Variants in TSNARE1 observed in about 807,000 individuals in gnomAD.
TSNARE1 encodes t-SNARE domain-containing protein 1.
In TSNARE1, 49 loss-of-function variants were observed where a neutral mutation model predicts 62.0. The observed-to-expected ratio is 0.79, with a 90% confidence interval of 0.63 to 1.00. TSNARE1 has a LOEUF of 1.00. Among genes scored for constraint, TSNARE1 ranks in the 50% least tolerant of loss-of-function variants. The pLI is 0.00. For missense variants in TSNARE1, 755 were observed against 700.1 expected (o/e 1.08, Z -0.88); for synonymous variants, 328 against 294.4 (o/e 1.11, Z -1.17).
chr8:142,238,442 C>A (rs1257164427), intron 12 of TSNARE1, among the ~76,000 whole-genome samples: 3 of 152,132 alleles, frequency 2.0e-5, no homozygotes, highest in Non-Finnish European at 4.4e-5. Flanking sequence ...TGCCGCTGAG[C>A]CCAGTCAGCA....
chr8:142,333,362 A>C (rs917733339), intron 4 of TSNARE1, among the ~76,000 whole-genome samples: 1 of 152,244 alleles, frequency 6.6e-6, no homozygotes, highest in African/African-American at 2.4e-5. Flanking sequence ...TTCAGGTGGC[A>C]GCTACGTGGG....
chr8:142,337,708 C>A (rs2129847880), intron 4 of TSNARE1, among the ~76,000 whole-genome samples: 1 of 152,358 alleles, frequency 6.6e-6, no homozygotes. Flanking sequence ...TCCTGCGACA[C>A]CGCAGCCCCA....
intron 1 of TSNARE1, among the ~76,000 whole-genome samples, chr8:142,401,796 G>A (rs771035512): frequency 6.6e-6 from 1 of 152,204 alleles, no homozygotes; most frequent in Non-Finnish European, 1.5e-5. Flanking sequence ...TTCACGGCCT[G>A]TGCTGCTGTG....
intron 12 of TSNARE1, chr8:142,273,571 G>T (rs1004307331): frequency 1.0e-6 from 1 of 985,382 alleles, no homozygotes; most frequent in East Asian, 1.1e-4. Flanking sequence ...CTTGTCTCCC[G>T]GCCTGGCGTT....
intron 10 of TSNARE1, among the ~76,000 whole-genome samples, chr8:142,292,839 G>A (rs376275277): frequency 6.0e-4 from 91 of 152,146 alleles, no homozygotes; most frequent in African/African-American, 2.0e-3. Context: ...AGACCAACGC[G>A]GGCAGAACAC....
intron 10 of TSNARE1, among the ~76,000 whole-genome samples, chr8:142,299,602 T>C (rs7817330): frequency 0.27 from 40,220 of 151,420 alleles, 6,128 homozygotes; most frequent in African/African-American, 0.4. Flanking sequence ...CTCACTCACA[T>C]ATGCATGCAC....
intron 12 of TSNARE1, among the ~76,000 whole-genome samples, chr8:142,234,261 C>A (rs962469140): frequency 1.3e-5 from 2 of 151,888 alleles, no homozygotes; most frequent in East Asian, 3.9e-4. Flanking sequence ...ACCACGGGTT[C>A]AGGGAAAGCT....
At chr8:142,219,469 G>C (rs952126439) in intron 13 of TSNARE1, among the ~76,000 whole-genome samples, 1 of 152,138 alleles carries the variant, frequency 6.6e-6, no homozygotes, top group Admixed American at 6.5e-5. Context: ...TACAGATTCT[G>C]GTACCAAAGC....
intron 12 of TSNARE1, chr8:142,274,541 C>G: frequency 1.0e-6 from 1 of 985,422 alleles, no homozygotes; most frequent in Non-Finnish European, 1.2e-6. Flanking sequence ...CGGCGTGGTG[C>G]ATACAAGAGA....
intron 12 of TSNARE1, among the ~76,000 whole-genome samples, chr8:142,261,082 AG>A: frequency 2.1e-4 from 6 of 28,794 alleles, no homozygotes; most frequent in Non-Finnish European, 4.1e-4. Context: ...GAGAGAGGAA[AG>A]GAGGAAGGAG....
chr8:142,377,693 G>A (rs889625685), intron 1 of TSNARE1, among the ~76,000 whole-genome samples: 2 of 152,190 alleles, frequency 1.3e-5, no homozygotes, highest in African/African-American at 2.4e-5. Context: ...TTGTGGGGGT[G>A]CGAAGCAGCA....
chr8:142,226,851 C>T (rs1036791517), intron 13 of TSNARE1, among the ~76,000 whole-genome samples: 2 of 152,126 alleles, frequency 1.3e-5, no homozygotes, highest in African/African-American at 2.4e-5. Context: ...GGGCCCTGCC[C>T]CACCTCACCT....
intron 12 of TSNARE1, among the ~76,000 whole-genome samples, chr8:142,244,936 G>A (rs950794158): frequency 6.6e-6 from 1 of 152,230 alleles, no homozygotes; most frequent in Non-Finnish European, 1.5e-5. Context: ...TTGGCTTTGA[G>A]GTCGGAGCCC....
At chr8:142,356,361 G>A (rs1338933887) in intron 1 of TSNARE1, among the ~76,000 whole-genome samples, 8 of 152,212 alleles carry the variant, frequency 5.3e-5, no homozygotes, top group Admixed American at 2.0e-4. Flanking sequence ...CTCTCTGCAC[G>A]CTGCCTGGAA....
At chr8:142,343,020 G>C (rs577628411) in intron 4 of TSNARE1, among the ~76,000 whole-genome samples, 1 of 152,154 alleles carries the variant, frequency 6.6e-6, no homozygotes, top group Non-Finnish European at 1.5e-5. Flanking sequence ...GCACCTGCCC[G>C]GGCCCACCAC....
rs1463102494 is a variant in TSNARE1 at position 142,319,191 on chromosome 8, G to C, written c.894-557C>G. On this transcript the variant is annotated intron_variant, in intron 6 of 13. Coordinates refer to ENST00000524325, the MANE Select transcript of TSNARE1 (RefSeq NM_145003.5). This position sits in a 1 kb window ranked among gnomAD's most constrained non-coding sequence, Gnocchi z 4.9. The stretch of plus-strand genomic sequence containing the variant: ...ACCCCCAAATACCCCACAGACAGGA[G>C]GCTGAGCCACGAGCCCTCCCTGCAG... 2.0e-5 allele frequency among the ~76,000 whole-genome samples: 3 copies of C among 152,014 alleles called. No homozygotes were observed. The East Asian group carries it at 5.8e-4, about 30-fold the overall frequency.
At chr8:142,341,426 C>T (rs1018605539) in intron 4 of TSNARE1, among the ~76,000 whole-genome samples, 3 of 152,238 alleles carry the variant, frequency 2.0e-5, no homozygotes, top group Non-Finnish European at 4.4e-5. Flanking sequence ...GGTGGAGAGG[C>T]CCCTTGGGGC....
chr8:142,279,229 G>A (rs976572859), intron 11 of TSNARE1, among the ~76,000 whole-genome samples: 4 of 152,260 alleles, frequency 2.6e-5, no homozygotes, highest in East Asian at 1.9e-4. Flanking sequence ...AAGGACAGCC[G>A]TGCTCACCGC....
intron 1 of TSNARE1, among the ~76,000 whole-genome samples, chr8:142,379,598 A>G (rs2131186737): frequency 6.6e-6 from 1 of 152,326 alleles, no homozygotes; most frequent in African/African-American, 2.4e-5. Flanking sequence ...TGCCACAGGT[A>G]CTTCCACACC....
Sources: gnomAD v4.1 joint callset for allele counts (sites outside exome capture counted in the v4.1 genomes callset) on GRCh38, gnomAD v4.1.1 for gene constraint, Gnocchi (gnomAD v3.1) non-coding constraint, MANE v1.5 for transcripts, NCBI Gene and HGNC (gene_info 2026-07-23, HGNC 2026-07-21) for gene names.